Variants in MAST4 observed in about 807,000 individuals in gnomAD.
The protein encoded by MAST4 is microtubule associated serine/threonine kinase family member 4, also known as microtubule-associated serine/threonine-protein kinase 4.
Under a neutral mutation model 162.7 loss-of-function variants are expected in MAST4, and 89 were observed. The ratio of observed to expected loss-of-function variants is 0.55; its 90% CI spans 0.46 to 0.65. The LOEUF is 0.65. MAST4 is among the 30% of genes least tolerant of loss of function. MAST4 has a pLI of 0.00. For synonymous variants in MAST4, 1,479 were observed against 1,361.1 expected, an observed-to-expected ratio of 1.09 and a Z score of -1.91; for missense variants, 3,153 against 3,374.0, an observed-to-expected ratio of 0.93 and a Z score of 1.62.
At chr5:66,608,262 G>A (rs549455013) in intron 1 of MAST4, among the ~76,000 whole-genome samples, 11 of 150,204 alleles carry the variant, frequency 7.3e-5, no homozygotes, top group Non-Finnish European at 1.2e-4. Context: ...CACCATGTTG[G>A]CCAGGCTGGT....
intron 5 of MAST4, among the ~76,000 whole-genome samples, chr5:67,076,823 G>A (rs890714405): frequency 4.6e-5 from 7 of 152,200 alleles, no homozygotes; most frequent in African/African-American, 7.2e-5. Flanking sequence ...GGTTATTAAA[G>A]TGATTCCCAG....
intron 1 of MAST4, among the ~76,000 whole-genome samples, chr5:66,725,157 T>TG (rs1191056442): frequency 6.6e-6 from 1 of 152,124 alleles, no homozygotes; most frequent in African/African-American, 2.4e-5. Context: ...AAAGTGATAC[T>TG]GTATACTTTT....
intron 1 of MAST4, among the ~76,000 whole-genome samples, chr5:66,672,674 T>C (rs1747681304): frequency 6.6e-6 from 1 of 152,150 alleles, no homozygotes; most frequent in Admixed American, 6.5e-5. Flanking sequence ...TCCACTGCAG[T>C]TTACTAACCA....
In MAST4 at chr5:67,134,517, T is replaced by C; in HGVS notation, c.2227-6T>C. 1 of 1,609,904 alleles carries C rather than the reference T, an allele frequency of 6.2e-7. No individual in the cohort carries two copies. Among genetic ancestry groups the C allele is most frequent in the Non-Finnish European group, 8.5e-7 (1 of 1,178,000 alleles). ...CAATTATTCTAATATTGCAATTATCTTTTAGGTCTGTGGCACACCTGAATA... is the reference window on the plus strand; with the variant it reads ...CAATTATTCTAATATTGCAATTATCCTTTAGGTCTGTGGCACACCTGAATA... On this transcript the variant is annotated splice_region_variant and splice_polypyrimidine_tract_variant and intron_variant, in intron 17 of 28. Coordinates refer to ENST00000403625, the MANE Select transcript of MAST4 (RefSeq NM_001164664.2).
At chr5:66,941,374 C>G (rs1391522148) in intron 4 of MAST4, among the ~76,000 whole-genome samples, 1 of 152,164 alleles carries the variant, frequency 6.6e-6, no homozygotes, top group Non-Finnish European at 1.5e-5. Context: ...GCTGCAGCTT[C>G]TACATCAGAA....
intron 1 of MAST4, among the ~76,000 whole-genome samples, chr5:66,696,950 A>G (rs4394085): frequency 0.2 from 30,908 of 152,124 alleles, 3,617 homozygotes; most frequent in Admixed American, 0.31. Flanking sequence ...TTAACCCTTG[A>G]GAGTACTTTT....
intron 4 of MAST4, among the ~76,000 whole-genome samples, chr5:66,958,442 C>A (rs1370985073): frequency 1.3e-5 from 2 of 152,104 alleles, no homozygotes; most frequent in Non-Finnish European, 2.9e-5. Flanking sequence ...TTCTTTCTTT[C>A]CCTCCTTATT....
rs202068780 is a variant in MAST4, at chr5:66,808,429, G to GT, written c.642+19644dup. ...AAATAGCCCCTATTAACTAAATTAG[G>GT]TTTTTTTTTGGTTCAGAATACTTTA... On this transcript the variant is annotated intron_variant, in intron 3 of 28. Transcript: ENST00000403625. 5.8e-3 allele frequency among the ~76,000 whole-genome samples: 885 copies of GT among 151,556 alleles called. 9 individuals are homozygous for GT. The highest frequency in any genetic ancestry group is 0.025 in the Admixed American group (378 of 15,220).
intron 4 of MAST4, among the ~76,000 whole-genome samples, chr5:67,017,985 T>C (rs927487551): frequency 2.0e-5 from 3 of 152,202 alleles, no homozygotes; most frequent in East Asian, 3.8e-4. Context: ...TTTGTTTTGC[T>C]CTCCTTTCCT....
intron 1 of MAST4, among the ~76,000 whole-genome samples, chr5:66,643,909 G>A (rs1198447236): frequency 2.0e-5 from 3 of 147,960 alleles, no homozygotes; most frequent in Admixed American, 2.0e-4. Flanking sequence ...ATTACATTTG[G>A]GTGACCCAAA....
chr5:67,009,621 T>C (rs939698299), intron 4 of MAST4, among the ~76,000 whole-genome samples: 2 of 152,252 alleles, frequency 1.3e-5, no homozygotes, highest in Non-Finnish European at 2.9e-5. Context: ...ATGACTGGCA[T>C]GTAAAAATTC....
chr5:66,840,475 T>A (rs1758341166), intron 3 of MAST4, among the ~76,000 whole-genome samples: 1 of 152,186 alleles, frequency 6.6e-6, no homozygotes. Flanking sequence ...ACAATATGGT[T>A]ACTATGAATC....
intron 1 of MAST4, among the ~76,000 whole-genome samples, chr5:66,630,768 T>C (rs1744743751): frequency 6.6e-6 from 1 of 152,180 alleles, no homozygotes; most frequent in Non-Finnish European, 1.5e-5. Flanking sequence ...AGAACATAAG[T>C]ACTTAAAAAT....
intron 4 of MAST4, among the ~76,000 whole-genome samples, chr5:67,039,205 T>C (rs1472018203): frequency 6.6e-6 from 1 of 152,222 alleles, no homozygotes; most frequent in Non-Finnish European, 1.5e-5. Context: ...ATTTCTTTCA[T>C]AGTACCGTTG....
intron 1 of MAST4, among the ~76,000 whole-genome samples, chr5:66,670,401 A>G (rs1309843435): frequency 6.6e-6 from 1 of 152,026 alleles, no homozygotes; most frequent in Non-Finnish European, 1.5e-5. Context: ...CCAACTCCTA[A>G]TCGTTGATTT....
chr5:67,130,153 C>A (rs1297503738), intron 14 of MAST4, 57 bp from the exon 15 acceptor site: 13 of 1,500,558 alleles, frequency 8.7e-6, no homozygotes, highest in South Asian at 1.2e-5. Flanking sequence ...ACTGTATCCC[C>A]AAAACATCCT....
At chr5:66,602,859 G>T (rs906008658) in intron 1 of MAST4, among the ~76,000 whole-genome samples, 1 of 152,178 alleles carries the variant, frequency 6.6e-6, no homozygotes, top group Non-Finnish European at 1.5e-5. Flanking sequence ...ACAGACTTTG[G>T]CTAGGTTCTT....
chr5:67,132,978 A>C (rs1445670322), intron 16 of MAST4, among the ~76,000 whole-genome samples: 2 of 152,116 alleles, frequency 1.3e-5, no homozygotes, highest in Non-Finnish European at 2.9e-5. Flanking sequence ...TTCCCACTTA[A>C]AATGAAAAGT....
intron 5 of MAST4, among the ~76,000 whole-genome samples, chr5:67,085,362 C>T (rs1193559611): frequency 1.3e-5 from 2 of 152,064 alleles, no homozygotes; most frequent in East Asian, 3.9e-4. Flanking sequence ...CCTGCTTCCA[C>T]TCTTGCCTGC....
Sources: allele counts gnomAD v4.1 joint callset (sites outside exome capture counted in the v4.1 genomes callset), GRCh38; gene constraint gnomAD v4.1.1; transcripts MANE v1.5; gene names NCBI Gene and HGNC (gene_info 2026-07-23, HGNC 2026-07-21).